Variants in SCUBE1 observed in about 807,000 individuals in gnomAD.
SCUBE1 encodes signal peptide, CUB domain and EGF like domain containing 1, also known as signal peptide, CUB and EGF-like domain-containing protein 1.
SCUBE1 carries 59 observed loss-of-function variants against 124.4 expected under a neutral mutation model. The ratio of observed to expected loss-of-function variants is 0.47; its 90% CI spans 0.38 to 0.59. The LOEUF (loss-of-function observed/expected upper bound fraction) is 0.59. Among genes scored for constraint, SCUBE1 ranks in the 20% least tolerant of loss-of-function variants. The pLI, the probability that SCUBE1 is intolerant of heterozygous loss-of-function variation, is 0.00. For missense variants in SCUBE1, 1,150 were observed against 1,371.2 expected (o/e 0.84, Z 2.55); for synonymous variants, 545 against 550.9 (o/e 0.99, Z 0.15).
intron 3 of SCUBE1, among the ~76,000 whole-genome samples, chr22:43,302,797 CCAAA>C (rs1925822897): frequency 1.3e-5 from 2 of 152,180 alleles, no homozygotes; most frequent in South Asian, 2.1e-4. Context: ...AGGAGGAAAA[CCAAA>C]CAAACAAATC....
chr22:43,208,090 G>A lies in SCUBE1; in HGVS notation c.2716C>T (p.Pro906Ser). Residue 906 changes from proline (P) to serine (S), a missense_variant, in exon 20 of 22, where the codon CCC becomes TCC. This residue lies in a region of SCUBE1 where 757 missense variants were observed against 840.9 expected (regional missense o/e 0.90). Transcript: ENST00000360835. ...ATCTTACCATCGTAGGTGACATAGG[G>A]CACTTGGAAGCCTTTGCCGCTGTTG... ...EGNSGKGFQV[P>S]YVTYDEDYQQ... is the part of the protein sequence containing the mutation. The A allele has an allele frequency of 4.3e-6, 7 of 1,614,120 alleles. No individual in the cohort carries two copies. The highest frequency in any genetic ancestry group is 5.9e-6 in the Non-Finnish European group (7 of 1,180,020).
In SCUBE1 at chr22:43,211,093, G is replaced by A; in HGVS notation, c.2222-10C>T. On this transcript the variant is annotated splice_polypyrimidine_tract_variant and intron_variant, in intron 17 of 21. Transcript: ENST00000360835. The surrounding 1 kb of genome is among the most constrained non-coding windows in gnomAD (Gnocchi z 4.5). ...CCGGGGGAGCAGTGCACTGCCGGGG[G>A]ACACAAGGCAGTGTGGTGGGTGTGG... The A allele has an allele frequency of 1.2e-6, 2 of 1,603,982 alleles. No homozygotes were observed. Among genetic ancestry groups the A allele is most frequent in the Non-Finnish European group, 1.7e-6 (2 of 1,175,006 alleles).
At chr22:43,277,183 G>T (rs1353110438) in intron 4 of SCUBE1, among the ~76,000 whole-genome samples, 3 of 152,262 alleles carry the variant, frequency 2.0e-5, no homozygotes, top group East Asian at 1.9e-4. Context: ...AGGATGAGCG[G>T]GAGTTCCAGA....
At chr22:43,243,983 A>C (rs739094) in intron 6 of SCUBE1, among the ~76,000 whole-genome samples, 106,918 of 152,104 alleles carry the variant, frequency 0.7, 38,603 homozygotes, top group African/African-American at 0.84. Context: ...GGACACAGCC[A>C]CTGGTCTTCA....
Position 43,234,102 on chromosome 22 carries a change from A to G in SCUBE1, c.845-2227T>C, listed in dbSNP as rs1359602348. Among the ~76,000 whole-genome samples the G allele has an allele frequency of 2.0e-5, 3 of 152,028 alleles. No individual in the cohort carries two copies. The highest frequency in any genetic ancestry group is 1.3e-4 in the Admixed American group (2 of 15,274). ...CCACCAAGAAAGAGATATGAAGCCC[A>G]GCTGTGCTGGTCCAGGGCGGAGGCT... is the stretch of plus-strand genomic sequence containing the variant. On this transcript the variant is annotated intron_variant, in intron 7 of 21. Coordinates refer to ENST00000360835, the MANE Select transcript of SCUBE1 (RefSeq NM_173050.5). The surrounding 1 kb of genome is among the most constrained non-coding windows in gnomAD (Gnocchi z 4.4).
At chr22:43,303,567 C>A (rs925650884) in intron 3 of SCUBE1, among the ~76,000 whole-genome samples, 2 of 152,186 alleles carry the variant, frequency 1.3e-5, no homozygotes, top group African/African-American at 4.8e-5. Context: ...GTGGGGGTGC[C>A]AGGAAGCTTC....
chr22:43,299,596 G>A (rs957213827), intron 3 of SCUBE1, among the ~76,000 whole-genome samples: 8 of 152,264 alleles, frequency 5.3e-5, no homozygotes, highest in African/African-American at 1.9e-4. Flanking sequence ...TGCTATGTTC[G>A]TGTGACCTCT....
At position 43,290,252 on chromosome 22, in the gene SCUBE1, C is replaced by T. The variant is rs12159552; in HGVS notation, c.484+794G>A. ...GTGTCCTGGCTCTCTCCTCCAAGCA[C>T]ATGTGTCCTGGCCCTCTCCTCCAAG... is the stretch of plus-strand genomic sequence containing the variant. On this transcript the variant is annotated intron_variant, in intron 4 of 21. Transcript: ENST00000360835. Among the ~76,000 whole-genome samples the T allele has an allele frequency of 6.0e-3, 882 of 148,192 alleles. 6 individuals are homozygous for T. The highest frequency in any genetic ancestry group is 0.023 in the African/African-American group (854 of 37,626).
chr22:43,210,079 C>A lies in SCUBE1; in HGVS notation c.2545G>T (p.Asp849Tyr). The A allele has an allele frequency of 6.2e-7, 1 of 1,612,552 alleles. No homozygotes were observed. The highest frequency in any genetic ancestry group is 8.5e-7 in the Non-Finnish European group (1 of 1,179,512). ...ATGACCAGAACATCGCCGCACTCATCCTCGATGGGCAGGAAGATCTCAGGG... is the reference window on the plus strand; with the variant it reads ...ATGACCAGAACATCGCCGCACTCATACTCGATGGGCAGGAAGATCTCAGGG... ...VVPEIFLPIE[D>Y]ECGDVLVMRK... The change falls in exon 19 of 22, where the codon GAT becomes TAT. Residue 849 changes from aspartate to tyrosine, a missense_variant. Transcript: ENST00000360835. The surrounding 1 kb of genome is among the most constrained non-coding windows in gnomAD (Gnocchi z 4.5).
intron 8 of SCUBE1, among the ~76,000 whole-genome samples, chr22:43,229,555 T>C (rs1017132923): frequency 3.3e-5 from 5 of 152,142 alleles, no homozygotes; most frequent in Admixed American, 6.5e-5. Flanking sequence ...GGACTGCAGC[T>C]GGCCCCAGGG....
intron 14 of SCUBE1, among the ~76,000 whole-genome samples, chr22:43,218,694 G>A (rs1392981925): frequency 2.0e-5 from 3 of 152,214 alleles, no homozygotes; most frequent in Non-Finnish European, 2.9e-5. Context: ...TGCAATCCAG[G>A]CAGCTGCCAC....
Position 43,210,223 on chromosome 22 carries a change from C to A in SCUBE1, c.2401G>T (p.Glu801Ter). ...THCKNQHCGGELGDYTGYIES... is the reference protein window; with the variant it reads ...THCKNQHCGG ...ATGTAGCCGGTGTAGTCACCAAGCT[C>A]GCCGCCGCAGTGCTGGTCTGTGGGC... The change falls in exon 19 of 22, where the codon GAG becomes TAG. Residue 801 changes from glutamate (E) to a stop codon, truncating the protein, a stop_gained. Coordinates refer to ENST00000360835, the MANE Select transcript of SCUBE1 (RefSeq NM_173050.5). LOFTEE classifies it high-confidence loss of function. This position sits in a 1 kb window ranked among gnomAD's most constrained non-coding sequence, Gnocchi z 4.5. 2 of 1,561,180 alleles carry A rather than the reference C, an allele frequency of 1.3e-6. No individual in the cohort carries two copies.
At chr22:43,252,912 T>C (rs1442422534) in intron 6 of SCUBE1, among the ~76,000 whole-genome samples, 1 of 149,292 alleles carries the variant, frequency 6.7e-6, no homozygotes, top group African/African-American at 2.5e-5. Flanking sequence ...CTTGCCTCTA[T>C]TAATACAACA....
In SCUBE1 at chr22:43,255,145, G is replaced by A. The variant is rs998623530; in HGVS notation, c.727+3074C>T. Among the ~76,000 whole-genome samples, 2 of 152,304 alleles carry A rather than the reference G, an allele frequency of 1.3e-5. 1 individual carries two copies. Among genetic ancestry groups the A allele is most frequent in the Middle Eastern group, 6.8e-3 (2 of 294 alleles). On this transcript the variant is annotated intron_variant, in intron 6 of 21. Transcript: ENST00000360835. This position sits in a 1 kb window ranked among gnomAD's most constrained non-coding sequence, Gnocchi z 4.7. ...GTTCACGCAAGTCGGGGAGCTTTAC[G>A]ACACACGTCTCCTTACACGCACAGG...
At chr22:43,261,615 G>T (rs776348357) in intron 5 of SCUBE1, among the ~76,000 whole-genome samples, 5 of 152,198 alleles carry the variant, frequency 3.3e-5, no homozygotes, top group Non-Finnish European at 7.3e-5. Context: ...ACAGAAAGAT[G>T]GGTGGAAGAA....
intron 1 of SCUBE1, among the ~76,000 whole-genome samples, chr22:43,341,128 G>T (rs1395615457): frequency 7.1e-6 from 1 of 140,284 alleles, no homozygotes; most frequent in Non-Finnish European, 1.6e-5. Flanking sequence ...CACACACACG[G>T]CAGGTGGCAT....
At chr22:43,313,662 C>A (rs1347300246) in intron 3 of SCUBE1, among the ~76,000 whole-genome samples, 3 of 152,136 alleles carry the variant, frequency 2.0e-5, no homozygotes, top group Non-Finnish European at 4.4e-5. Flanking sequence ...CCTCTGGTGT[C>A]ATTTTCTGTT....
intron 4 of SCUBE1, among the ~76,000 whole-genome samples, chr22:43,280,433 TCACC>T (rs1341931095): frequency 4.6e-5 from 1 of 21,958 alleles, no homozygotes. Context: ...TCCCTTCCCC[TCACC>T]CATCCCCCTG....
At position 43,262,719 on chromosome 22, in the gene SCUBE1, C is replaced by A; in HGVS notation, c.610+1G>T. The A allele has an allele frequency of 6.2e-7, 1 of 1,614,052 alleles. No homozygotes were observed. On this transcript the variant is annotated splice_donor_variant, in intron 5 of 21. Transcript: ENST00000360835. LOFTEE classifies it high-confidence loss of function. ...TGACCCATTTGTCTCCCTCTACCTA[C>A]GTGTGCAGTCCTTCTGGTTTTGGGC...
Sources: allele counts gnomAD v4.1 joint callset (sites outside exome capture counted in the v4.1 genomes callset), GRCh38; gene constraint gnomAD v4.1.1; regional missense constraint gnomAD v4.1.1; non-coding constraint Gnocchi (gnomAD v3.1); transcripts MANE v1.5; gene names NCBI Gene and HGNC (gene_info 2026-07-23, HGNC 2026-07-21).